The following MKLN1 variants were observed in gnomAD, a reference collection of about 807,000 sequenced individuals.
MKLN1 encodes muskelin 1.
A neutral mutation model predicts 99.0 loss-of-function variants in MKLN1; 18 were observed. The ratio of observed to expected loss-of-function variants is 0.18; its 90% CI spans 0.13 to 0.27. MKLN1 has a LOEUF of 0.27. Among genes scored for constraint, MKLN1 ranks in the 10% least tolerant of loss-of-function variants. MKLN1 has a pLI of 1.00. For missense variants in MKLN1, 621 were observed against 875.9 expected (o/e 0.71, Z 3.67); for synonymous variants, 288 against 293.2 (o/e 0.98, Z 0.18).
chr7:131,206,001 C>T (rs1479131436), intron 3 of MKLN1, among the ~76,000 whole-genome samples: 1 of 151,076 alleles, frequency 6.6e-6, no homozygotes, highest in Non-Finnish European at 1.5e-5. Flanking sequence ...TCAAGCGATT[C>T]TCCTGTCTCA....
At chr7:131,339,699 CA>C (rs1042116499) in intron 1 of MKLN1, among the ~76,000 whole-genome samples, 29 of 14,884 alleles carry the variant, frequency 1.9e-3, no homozygotes, top group African/African-American at 6.1e-3. Context: ...ACTCAGTCTC[CA>C]AAAAAAAAAA....
intron 4 of MKLN1, among the ~76,000 whole-genome samples, chr7:131,393,611 TTTTTG>T (rs151210709): frequency 0.043 from 6,458 of 151,850 alleles, 404 homozygotes; most frequent in African/African-American, 0.15. Context: ...TTTTAAAAGG[TTTTTG>T]TTTTGTTTTG....
intron 7 of MKLN1, among the ~76,000 whole-genome samples, 197 bp downstream of exon 7, chr7:131,411,580 C>T (rs1794875825): frequency 7.8e-6 from 1 of 128,058 alleles, no homozygotes; most frequent in African/African-American, 3.1e-5. Context: ...CAAGATCAGC[C>T]TGGGCAACAT....
Position 131,165,721 on chromosome 7 carries a change from A to G in MKLN1, c.-297+22780A>G, listed in dbSNP as rs556837717. Among the ~76,000 whole-genome samples, 254 of 152,360 alleles carry G rather than the reference A, an allele frequency of 1.7e-3. 11 individuals carry two copies. In the South Asian group the frequency reaches 0.05, roughly 30 times the overall value. ...AGTGGTGAAGAGCAGGGAGACAAAT[A>G]AGATAACACGAGTGATCAGCTTTGC... On this transcript the variant is annotated intron_variant, in intron 2 of 7. Coordinates refer to the MKLN1 transcript ENST00000416992.
At position 131,228,820 on chromosome 7, in the gene MKLN1, C is replaced by T. The variant is rs550237666; in HGVS notation, c.-179+25846C>T. Among the ~76,000 whole-genome samples the T allele has an allele frequency of 4.6e-5, 7 of 152,302 alleles. No homozygotes were observed. In the South Asian group the frequency reaches 1.4e-3, roughly 32 times the overall value. On this transcript the variant is annotated intron_variant, in intron 3 of 7. Transcript: ENST00000416992. ...TCCTTGATAGAACAGTTTCTTCTCA[C>T]TTGTACTCGCAAGTTTTTTAAAGCC...
chr7:131,153,182 C>T (rs1243115512), intron 2 of MKLN1, among the ~76,000 whole-genome samples: 1 of 151,806 alleles, frequency 6.6e-6, no homozygotes, highest in Non-Finnish European at 1.5e-5. Context: ...CCTATCATTC[C>T]TTAAGTTGAT....
rs111359779 is a variant in MKLN1, at chr7:131,258,622, GA to G, written c.-179+55650del. Among the ~76,000 whole-genome samples the G allele has an allele frequency of 6.7e-3, 1,028 of 152,314 alleles. 12 individuals carry two copies. Among genetic ancestry groups the G allele is most frequent in the African/African-American group, 0.023 (969 of 41,564 alleles). ...CAAGGTTACAATTGTTGGTATAAAT[GA>G]AGTGCTTTGCAGATGTTATCAGATA... is the stretch of plus-strand genomic sequence containing the variant. On this transcript the variant is annotated intron_variant, in intron 3 of 7. Transcript: ENST00000416992.
chr7:131,123,895 CA>C (rs1795415268), intron 1 of MKLN1, among the ~76,000 whole-genome samples: 1 of 152,038 alleles, frequency 6.6e-6, no homozygotes, highest in Non-Finnish European at 1.5e-5. Context: ...GACTGACAGA[CA>C]AAAGATCTAG....
chr7:131,297,346 C>T lies in MKLN1; in HGVS notation c.-178-78078C>T, dbSNP rs185546730. Among the ~76,000 whole-genome samples, 80 of 151,384 alleles carry T rather than the reference C, an allele frequency of 5.3e-4. 2 individuals carry two copies. Among genetic ancestry groups the T allele is most frequent in the Admixed American group, 4.9e-3 (74 of 15,218 alleles). On this transcript the variant is annotated intron_variant, in intron 3 of 7. Transcript: ENST00000416992. ...ACTGCACTCCAGTCTGGTGACAGAG[C>T]GAGACTCCGTCTCAAAAAACAAAAT...
Position 131,464,372 on chromosome 7 carries a change from G to A in MKLN1, c.1752G>A (p.Arg584=). 1 of 1,613,466 alleles carries A rather than the reference G, an allele frequency of 6.2e-7. No homozygotes were observed. Among genetic ancestry groups the A allele is most frequent in the South Asian group, 1.1e-5 (1 of 91,040 alleles). Residue 584 remains arginine (R), a synonymous_variant, in exon 14 of 18, where the codon AGG becomes AGA. Transcript: ENST00000352689. ...TTCAGGAAGAAGAACCATGTCCAAG[G>A]TTTGCCCATCAGCTTGTATACGATG... ...KSLQEEEPCP[R]FAHQLVYDEL... is the part of the protein sequence containing the mutation.
intron 9 of MKLN1, among the ~76,000 whole-genome samples, chr7:131,434,024 C>T (rs185966993): frequency 1.3e-5 from 2 of 152,050 alleles, no homozygotes; most frequent in Middle Eastern, 3.4e-3. Context: ...GCTGAGACTA[C>T]ACCGAGTAGC....
At chr7:131,447,133 A>C (rs1416537032) in intron 12 of MKLN1, among the ~76,000 whole-genome samples, 1 of 152,250 alleles carries the variant, frequency 6.6e-6, no homozygotes, top group Non-Finnish European at 1.5e-5. Flanking sequence ...CAGCCAGTTT[A>C]ACCAAAAATT....
intron 3 of MKLN1, among the ~76,000 whole-genome samples, chr7:131,204,935 A>C (rs1489589047): frequency 6.8e-6 from 1 of 147,280 alleles, no homozygotes; most frequent in Non-Finnish European, 1.5e-5. Flanking sequence ...CTCCGTATCA[A>C]AAAAAAAAAA....
At chr7:131,188,334 T>C (rs559196130) in intron 2 of MKLN1, among the ~76,000 whole-genome samples, 1 of 152,338 alleles carries the variant, frequency 6.6e-6, no homozygotes, top group East Asian at 1.9e-4. Context: ...ACAGCTACCA[T>C]TTACTATTTC....
Position 131,445,773 on chromosome 7 carries a change from GA to G in MKLN1, c.1400del (p.Asn467IlefsTer16). The G allele has an allele frequency of 6.4e-7, 1 of 1,571,832 alleles. No homozygotes were observed. The highest frequency in any genetic ancestry group is 1.9e-5 in the Admixed American group (1 of 52,856). ...TTCTTTTTTTTTTTCTTCTTTTTCA[GA>G]AAAATCGTTGCTTATATGTATTTGG... Reference protein sequence around the residue: ...RIGHCMLFHSKNRCLYVFGGQ... With the variant: ...RIGHCMLFHSXNRCLYVFGGQ... On this transcript the variant is annotated frameshift_variant and splice_region_variant, in exon 12 of 18. Transcript: ENST00000352689. LOFTEE classifies it high-confidence loss of function.
intron 1 of MKLN1, among the ~76,000 whole-genome samples, chr7:131,334,487 G>A (rs756630006): frequency 5.9e-5 from 9 of 152,156 alleles, no homozygotes; most frequent in Non-Finnish European, 1.2e-4. Context: ...CCTAGAATTA[G>A]ATATTTGTGA....
At chr7:131,200,839 G>C (rs1796716120) in intron 2 of MKLN1, among the ~76,000 whole-genome samples, 1 of 152,150 alleles carries the variant, frequency 6.6e-6, no homozygotes, top group Non-Finnish European at 1.5e-5. Flanking sequence ...CCTTAACTAA[G>C]AGTGGCACTT....
At chr7:131,139,478 T>C (rs1795699900) in intron 1 of MKLN1, among the ~76,000 whole-genome samples, 2 of 152,208 alleles carry the variant, frequency 1.3e-5, no homozygotes, top group South Asian at 2.1e-4. Flanking sequence ...TTATTTTGGC[T>C]TCTGGATTTT....
Position 131,447,026 on chromosome 7 carries a change from AG to A in MKLN1, c.1525+1125del, listed in dbSNP as rs370377736. 2.0e-3 allele frequency among the ~76,000 whole-genome samples: 308 copies of A among 152,360 alleles called. 2 individuals are homozygous for A. Among genetic ancestry groups the A allele is most frequent in the African/African-American group, 7.1e-3 (294 of 41,588 alleles). ...AAAAAACGAAGGATAGGGACACAAC[AG>A]GAAAAGCGAAACTTTTTATAAAAAA... On this transcript the variant is annotated intron_variant, in intron 12 of 17. Coordinates refer to ENST00000352689, the MANE Select transcript of MKLN1 (RefSeq NM_013255.5).
Sources: allele counts gnomAD v4.1 joint callset (sites outside exome capture counted in the v4.1 genomes callset), GRCh38; gene constraint gnomAD v4.1.1; transcripts MANE v1.5; gene names NCBI Gene and HGNC (gene_info 2026-07-23, HGNC 2026-07-21).